Variants in LIMCH1 observed in about 807,000 individuals in gnomAD.
LIMCH1 encodes LIM and calponin homology domains 1, also known as LIM and calponin homology domains-containing protein 1.
Under a neutral mutation model 176.5 loss-of-function variants are expected in LIMCH1, and 113 were observed. That is an observed-to-expected ratio of 0.64 (90% CI 0.55 to 0.75). The LOEUF is 0.75. Among genes scored for constraint, LIMCH1 ranks in the 30% least tolerant of loss-of-function variants. The pLI, the probability that LIMCH1 is intolerant of heterozygous loss-of-function variation, is 0.00. For missense variants in LIMCH1, 1,674 were observed against 1,814.9 expected, an observed-to-expected ratio of 0.92 and a Z score of 1.41; for synonymous variants, 619 against 645.9, an observed-to-expected ratio of 0.96 and a Z score of 0.63.
At chr4:41,619,665 T>C (rs1461716688) in intron 6 of LIMCH1, 2 of 580,014 alleles carry the variant, frequency 3.4e-6, no homozygotes, top group Non-Finnish European at 6.0e-6. Context: ...ATTCAGCAAC[T>C]ACTTGTCTAA....
At chr4:41,598,401 A>T (rs2089306057) in intron 1 of LIMCH1, among the ~76,000 whole-genome samples, 1 of 152,014 alleles carries the variant, frequency 6.6e-6, no homozygotes, top group Non-Finnish European at 1.5e-5. Flanking sequence ...TCTTGCATTT[A>T]ACTCAGTGTA....
intron 7 of LIMCH1, among the ~76,000 whole-genome samples, chr4:41,624,917 G>T (rs1172595765): frequency 6.6e-6 from 1 of 152,160 alleles, no homozygotes; most frequent in Non-Finnish European, 1.5e-5. Flanking sequence ...AGGTGAGGCT[G>T]TGCAGGATCG....
intron 1 of LIMCH1, among the ~76,000 whole-genome samples, chr4:41,386,672 A>G (rs1278094689): frequency 1.3e-5 from 2 of 152,246 alleles, no homozygotes; most frequent in Non-Finnish European, 2.9e-5. Flanking sequence ...GGATATATTG[A>G]AACCCAATTT....
At chr4:41,588,871 G>T (rs1294553803) in intron 1 of LIMCH1, among the ~76,000 whole-genome samples, 1 of 152,170 alleles carries the variant, frequency 6.6e-6, no homozygotes, top group Non-Finnish European at 1.5e-5. Flanking sequence ...AAAGAAGGAG[G>T]GAGGGCCAGG....
At chr4:41,554,920 T>G (rs1012241607) in intron 1 of LIMCH1, among the ~76,000 whole-genome samples, 2 of 152,226 alleles carry the variant, frequency 1.3e-5, no homozygotes, top group Non-Finnish European at 2.9e-5. Context: ...TGTGCTCTAC[T>G]TGCAGAAGGG....
chr4:41,526,213 A>G (rs1169343974), intron 3 of LIMCH1, among the ~76,000 whole-genome samples: 8 of 145,596 alleles, frequency 5.5e-5, no homozygotes, highest in Admixed American at 4.1e-4. Flanking sequence ...GTATTCCTCT[A>G]CTTTCTTTTT....
upstream of LIMCH1, among the ~76,000 whole-genome samples, chr4:41,534,773 T>G (rs1171119868): frequency 1.3e-5 from 2 of 152,054 alleles, no homozygotes; most frequent in Non-Finnish European, 2.9e-5. Flanking sequence ...GAGTGTTTGA[T>G]CCACATTGGC....
At chr4:41,479,331 C>T (rs2068208847) in intron 1 of LIMCH1, among the ~76,000 whole-genome samples, 1 of 152,180 alleles carries the variant, frequency 6.6e-6, no homozygotes, top group African/African-American at 2.4e-5. Flanking sequence ...CAGCTCACTG[C>T]AGCCTCCAAC....
At chr4:41,527,412 A>G (rs889246692) in intron 3 of LIMCH1, among the ~76,000 whole-genome samples, 6 of 152,224 alleles carry the variant, frequency 3.9e-5, no homozygotes, top group Non-Finnish European at 7.3e-5. Context: ...ATGATGTTAG[A>G]TGTCCTGGTG....
chr4:41,547,337 G>A (rs2079590371), intron 1 of LIMCH1, among the ~76,000 whole-genome samples: 1 of 151,942 alleles, frequency 6.6e-6, no homozygotes, highest in South Asian at 2.1e-4. Context: ...TTAGCCTCCG[G>A]TAACCCCCAT....
intron 20 of LIMCH1, among the ~76,000 whole-genome samples, chr4:41,664,805 G>A (rs1029967464): frequency 6.6e-6 from 1 of 152,162 alleles, no homozygotes; most frequent in Admixed American, 6.5e-5. Flanking sequence ...ATGGAAAAAA[G>A]TGTTTTCAGG....
At chr4:41,449,626 T>C (rs939442377) in intron 1 of LIMCH1, among the ~76,000 whole-genome samples, 1 of 152,174 alleles carries the variant, frequency 6.6e-6, no homozygotes, top group Non-Finnish European at 1.5e-5. Context: ...ATTCCTAGAA[T>C]GTCGATGCCA....
At chr4:41,549,649 A>C (rs2080104118) in intron 1 of LIMCH1, among the ~76,000 whole-genome samples, 2 of 152,104 alleles carry the variant, frequency 1.3e-5, no homozygotes, top group African/African-American at 4.8e-5. Flanking sequence ...ATCAAACCTA[A>C]GTCTGGCTCC....
chr4:41,633,837 CT>C (rs756778288), intron 13 of LIMCH1, 29 bp downstream of exon 13: 18 of 1,529,164 alleles, frequency 1.2e-5, no homozygotes, highest in Non-Finnish European at 1.6e-5. Context: ...GCCCTTGTGA[CT>C]TTGTTTCTCC....
chr4:41,631,067 T>C (rs2093295758), intron 9 of LIMCH1, 81 bp from the exon 10 acceptor site: 2 of 1,266,678 alleles, frequency 1.6e-6, no homozygotes, highest in Non-Finnish European at 2.1e-6. Flanking sequence ...TACTTCTAGT[T>C]TTTTTTTTTG....
intron 1 of LIMCH1, among the ~76,000 whole-genome samples, chr4:41,463,324 G>A (rs1025315039): frequency 1.3e-5 from 2 of 152,060 alleles, no homozygotes; most frequent in African/African-American, 4.8e-5. Flanking sequence ...GCCATTGCTA[G>A]CAGAGACTAT....
chr4:41,612,757 C>T (rs1187561326), intron 4 of LIMCH1: 2 of 716,450 alleles, frequency 2.8e-6, no homozygotes, highest in Non-Finnish European at 4.7e-6. Context: ...GTGCTTTCAG[C>T]TCCCCCAGCG....
chr4:41,459,555 G>A (rs915740659), intron 1 of LIMCH1, among the ~76,000 whole-genome samples: 3 of 152,144 alleles, frequency 2.0e-5, no homozygotes, highest in Non-Finnish European at 4.4e-5. Flanking sequence ...TCCTGCCTCA[G>A]CCTCCCAAAG....
chr4:41,699,394 C>T lies in LIMCH1; in HGVS notation c.*2209C>T, dbSNP rs768313913. 52 of 152,134 alleles carry T rather than the reference C, an allele frequency of 3.4e-4. No individual in the cohort carries two copies. The highest frequency in any genetic ancestry group is 3.5e-4 in the Non-Finnish European group (24 of 68,042). The allele number at this position is 152,134 out of a possible 1,614,324, so 9.4% of individuals were successfully genotyped here. On this transcript the variant is annotated 3_prime_UTR_variant, in exon 32 of 32. Transcript: ENST00000503057. ...CCATAATGAACACTAGTCACCAGCA[C>T]AGAATAATCTCCAACATTTTCTAAA... is the stretch of plus-strand genomic sequence containing the variant.
Sources: allele counts gnomAD v4.1 joint callset (sites outside exome capture counted in the v4.1 genomes callset), GRCh38; gene constraint gnomAD v4.1.1; transcripts MANE v1.5; gene names NCBI Gene and HGNC (gene_info 2026-07-23, HGNC 2026-07-21).